The following HS3ST4 variants were observed in gnomAD, a reference collection of about 807,000 sequenced individuals.
The protein encoded by HS3ST4 is heparan sulfate glucosamine 3-O-sulfotransferase 4.
Under a neutral mutation model 29.2 loss-of-function variants are expected in HS3ST4, and 17 were observed. The observed-to-expected ratio is 0.58, with a 90% CI of 0.40 to 0.87. HS3ST4 has a LOEUF of 0.87. Among genes scored for constraint, HS3ST4 ranks in the 40% least tolerant of loss-of-function variants. The pLI, the probability that HS3ST4 is intolerant of heterozygous loss-of-function variation, is 0.00. For missense variants in HS3ST4, 627 were observed against 634.5 expected (o/e 0.99, Z 0.13); for synonymous variants, 314 against 285.7 (o/e 1.10, Z -1.00).
chr16:25,796,283 G>A (rs1966885451), intron 1 of HS3ST4, among the ~76,000 whole-genome samples: 1 of 152,176 alleles, frequency 6.6e-6, no homozygotes. Flanking sequence ...TCACCCTGGT[G>A]AGCATCCCTT....
At chr16:25,871,465 A>T (rs1241751740) in intron 1 of HS3ST4, among the ~76,000 whole-genome samples, 1 of 152,156 alleles carries the variant, frequency 6.6e-6, no homozygotes, top group Non-Finnish European at 1.5e-5. Context: ...AGTTTGATAG[A>T]TTCAGGAGAG....
At chr16:25,983,915 T>A (rs955702350) in intron 1 of HS3ST4, among the ~76,000 whole-genome samples, 6 of 152,134 alleles carry the variant, frequency 3.9e-5, no homozygotes, top group Non-Finnish European at 2.9e-5. Flanking sequence ...TGTGTGTGTG[T>A]GTGTCTATTT....
intron 1 of HS3ST4, among the ~76,000 whole-genome samples, chr16:25,922,762 A>T (rs1968366338): frequency 6.6e-6 from 1 of 152,246 alleles, no homozygotes; most frequent in Admixed American, 6.5e-5. Flanking sequence ...AATTCATGGG[A>T]TGCACCCAAA....
chr16:25,966,010 C>T (rs769048013), intron 1 of HS3ST4, among the ~76,000 whole-genome samples: 3 of 152,166 alleles, frequency 2.0e-5, no homozygotes, highest in Non-Finnish European at 4.4e-5. Flanking sequence ...TGTATCTCTA[C>T]TTTGAAAAAT....
chr16:25,830,952 T>C (rs1967290767), intron 1 of HS3ST4, among the ~76,000 whole-genome samples: 1 of 152,108 alleles, frequency 6.6e-6, no homozygotes, highest in African/African-American at 2.4e-5. Flanking sequence ...AACTCTAAAC[T>C]CCATATTGTG....
chr16:25,798,043 C>T (rs1376015235), intron 1 of HS3ST4, among the ~76,000 whole-genome samples: 5 of 152,232 alleles, frequency 3.3e-5, no homozygotes, highest in Middle Eastern at 3.4e-3. Flanking sequence ...AGAAGGAGGG[C>T]TTGAGGAAAT....
In HS3ST4 at chr16:26,005,870, G is replaced by A. The variant is rs60609266; in HGVS notation, c.735-129742G>A. On this transcript the variant is annotated intron_variant, in intron 1 of 1. Coordinates refer to ENST00000331351, the MANE Select transcript of HS3ST4 (RefSeq NM_006040.3). ...GTGGGGGCTGTCCTGTCCATCGTAG[G>A]ATATTTAGAAGCATCCCTGGCCAGA... Among the ~76,000 whole-genome samples the A allele has an allele frequency of 4.5e-3, 686 of 152,204 alleles. 7 individuals are homozygous for A. The highest frequency in any genetic ancestry group is 0.016 in the African/African-American group (649 of 41,540).
intron 1 of HS3ST4, among the ~76,000 whole-genome samples, chr16:25,730,698 TTCCTTCCTTCCG>T (rs1457304595): frequency 6.8e-6 from 1 of 148,132 alleles, no homozygotes; most frequent in Admixed American, 6.7e-5. Flanking sequence ...CTCTCCCTTC[TTCCTTCCTTCCG>T]TCCTTCCTTC....
At chr16:25,695,786 G>A (rs1966291386) in intron 1 of HS3ST4, among the ~76,000 whole-genome samples, 1 of 152,208 alleles carries the variant, frequency 6.6e-6, no homozygotes, top group South Asian at 2.1e-4. Flanking sequence ...AGATCCACAG[G>A]TTAATTAAAG....
chr16:26,087,877 C>A (rs528068488), intron 1 of HS3ST4, among the ~76,000 whole-genome samples: 1 of 152,246 alleles, frequency 6.6e-6, no homozygotes, highest in African/African-American at 2.4e-5. Flanking sequence ...TGTTTCCTGA[C>A]ATTTCCACTC....
In HS3ST4 at chr16:25,828,308, CT is replaced by C. The variant is rs1567249556; in HGVS notation, c.734+135158del. ...TCTTTCTTTCTTTCTTTCCCTCTCT[CT>C]CTCTCTCTCTCTCTCTCTCTCTCTC... On this transcript the variant is annotated intron_variant, in intron 1 of 1. Transcript: ENST00000331351. Among the ~76,000 whole-genome samples the C allele has an allele frequency of 5.8e-3, 474 of 81,654 alleles. 8 individuals are homozygous for C. Among genetic ancestry groups the C allele is most frequent in the Middle Eastern group, 0.011 (2 of 180 alleles). The allele number at this position is 81,654 out of a possible 152,430, so 53.6% of individuals were successfully genotyped here.
At chr16:25,893,525 T>C (rs907563245) in intron 1 of HS3ST4, among the ~76,000 whole-genome samples, 1 of 152,124 alleles carries the variant, frequency 6.6e-6, no homozygotes, top group African/African-American at 2.4e-5. Flanking sequence ...ATGGATACCA[T>C]TGGTCAGCCT....
rs114092377 is a variant in HS3ST4 at position 25,908,270 on chromosome 16, G to T, written c.734+215119G>T. Reference sequence around the variant, plus strand: ...GGAGGGATCAAAATCATGGAGTGATGTATTTTCTAGCAGCATCACCCATGA... The same window carrying T: ...GGAGGGATCAAAATCATGGAGTGATTTATTTTCTAGCAGCATCACCCATGA... On this transcript the variant is annotated intron_variant, in intron 1 of 1. Transcript: ENST00000331351. Among the ~76,000 whole-genome samples the T allele has an allele frequency of 8.3e-3, 1,271 of 152,308 alleles. 22 individuals carry two copies. Among genetic ancestry groups the T allele is most frequent in the African/African-American group, 0.029 (1,192 of 41,552 alleles).
At chr16:25,942,863 C>G (rs1276803477) in intron 1 of HS3ST4, among the ~76,000 whole-genome samples, 1 of 152,156 alleles carries the variant, frequency 6.6e-6, no homozygotes, top group African/African-American at 2.4e-5. Flanking sequence ...CTCAAGCAAT[C>G]CTCCCACTTC....
rs981382644 is a variant in HS3ST4 at position 26,038,686 on chromosome 16, G to T, written c.735-96926G>T. On this transcript the variant is annotated intron_variant, in intron 1 of 1. Coordinates refer to ENST00000331351, the MANE Select transcript of HS3ST4 (RefSeq NM_006040.3). ...TGTATGTATGTATGTATGTATGTAT[G>T]TATTTATTTTTGAGATGGAGTCTGG... 3.5e-4 allele frequency among the ~76,000 whole-genome samples: 53 copies of T among 150,154 alleles called. 1 individual carries two copies. The highest frequency in any genetic ancestry group is 2.6e-3 in the Admixed American group (39 of 15,164).
intron 1 of HS3ST4, among the ~76,000 whole-genome samples, chr16:25,715,436 A>T (rs1458247155): frequency 6.6e-6 from 1 of 151,986 alleles, no homozygotes; most frequent in Non-Finnish European, 1.5e-5. Context: ...GTGATTCCAT[A>T]TGCAATTACC....
chr16:26,000,249 C>T (rs1432970968), intron 1 of HS3ST4, among the ~76,000 whole-genome samples: 1 of 152,052 alleles, frequency 6.6e-6, no homozygotes, highest in Non-Finnish European at 1.5e-5. Context: ...ATGACATCAT[C>T]ACCTATCTCT....
chr16:26,089,362 T>A (rs913622939), intron 1 of HS3ST4, among the ~76,000 whole-genome samples: 3 of 152,178 alleles, frequency 2.0e-5, no homozygotes, highest in Non-Finnish European at 2.9e-5. Context: ...CTGACAGTAC[T>A]GATAAAGCAT....
intron 1 of HS3ST4, among the ~76,000 whole-genome samples, chr16:25,798,838 C>T (rs967758050): frequency 6.6e-6 from 1 of 152,158 alleles, no homozygotes; most frequent in African/African-American, 2.4e-5. Flanking sequence ...GACATATTCC[C>T]ATCTAAAGAC....
Sources: allele counts gnomAD v4.1 joint callset (sites outside exome capture counted in the v4.1 genomes callset), GRCh38; gene constraint gnomAD v4.1.1; transcripts MANE v1.5; gene names NCBI Gene and HGNC (gene_info 2026-07-23, HGNC 2026-07-21).